Variants in SYTL3 observed in about 807,000 individuals in gnomAD.
SYTL3 encodes synaptotagmin like 3, also known as synaptotagmin-like protein 3.
SYTL3 carries 88 observed loss-of-function variants against 82.1 expected under a neutral mutation model. The ratio of observed to expected loss-of-function variants is 1.07; its 90% CI spans 0.90 to 1.28. The LOEUF is 1.28. Ranked by LOEUF, SYTL3 falls within the 50% of genes most tolerant of loss-of-function variation. The probability of loss-of-function intolerance (pLI) is 0.00; values close to 1 mark genes in which losing one functional copy is unlikely to be tolerated. For missense variants in SYTL3, 831 were observed against 757.6 expected (o/e 1.10, Z -1.14); for synonymous variants, 311 against 289.4 (o/e 1.07, Z -0.76).
chr6:158,671,079 C>T (rs1254042665), intron 5 of SYTL3, among the ~76,000 whole-genome samples: 1 of 152,026 alleles, frequency 6.6e-6, no homozygotes, highest in Non-Finnish European at 1.5e-5. Flanking sequence ...GCTGAGATTA[C>T]AGGCGTGAGC....
intron 6 of SYTL3, among the ~76,000 whole-genome samples, chr6:158,687,210 C>T (rs963502677): frequency 1.3e-5 from 2 of 152,286 alleles, no homozygotes; most frequent in Non-Finnish European, 2.9e-5. Context: ...GTGGAAGGCT[C>T]GCCTGGGGCT....
At chr6:158,707,345 C>T in intron 7 of SYTL3, 64 bp downstream of exon 7, 3 of 1,462,656 alleles carry the variant, frequency 2.1e-6, no homozygotes, top group Middle Eastern at 1.8e-4. Context: ...GGACACTCTG[C>T]AAGAACTTAT....
intron 10 of SYTL3, among the ~76,000 whole-genome samples, chr6:158,720,756 T>C (rs766535795): frequency 6.6e-6 from 1 of 152,186 alleles, no homozygotes; most frequent in African/African-American, 2.4e-5. Flanking sequence ...TTGGTACTGT[T>C]CCTGTCCCTA....
chr6:158,755,643 C>T (rs1788964276), intron 13 of SYTL3, among the ~76,000 whole-genome samples: 1 of 152,238 alleles, frequency 6.6e-6, no homozygotes, highest in Non-Finnish European at 1.5e-5. Flanking sequence ...TACCGTGTCT[C>T]AGTTCCTGTT....
chr6:158,681,165 G>A (rs1778647216), intron 5 of SYTL3, among the ~76,000 whole-genome samples: 1 of 152,154 alleles, frequency 6.6e-6, no homozygotes, highest in Non-Finnish European at 1.5e-5. Context: ...TTATTTTAAG[G>A]ATGTGAAGAT....
At chr6:158,698,402 A>AAT (rs1437190599) in intron 6 of SYTL3, among the ~76,000 whole-genome samples, 1 of 151,654 alleles carries the variant, frequency 6.6e-6, no homozygotes, top group Non-Finnish European at 1.5e-5. Flanking sequence ...GTCTCAAAAA[A>AAT]AAAAAAAAAA....
rs2128369584 is a variant in SYTL3 at position 158,665,456 on chromosome 6, C to T, written c.172C>T (p.His58Tyr). The change falls in exon 5 of 18, where the codon CAC becomes TAC. Residue 58 changes from histidine (H) to tyrosine (Y), a missense_variant. By Grantham distance (83) the His-to-Tyr change is moderately conservative. Coordinates refer to ENST00000611299, the MANE Select transcript of SYTL3 (RefSeq NM_001242394.2). ...WKGAKNTDWE[H>Y]KEKCCARCQQ... ...AGGAGCGAAGAACACGGACTGGGAG[C>T]ACAAAGAGAAGTGCTGTGCGCGCTG... 6.2e-7 allele frequency: 1 copy of T among 1,609,154 alleles called. No individual in the cohort carries two copies. Among genetic ancestry groups the T allele is most frequent in the Non-Finnish European group, 8.5e-7 (1 of 1,177,894 alleles).
rs1788055047 is a variant in SYTL3, at chr6:158,651,845, A to G, written c.-637+3A>G. 6.6e-6 allele frequency: 1 copy of G among 151,954 alleles called. No individual in the cohort carries two copies. Among genetic ancestry groups the G allele is most frequent in the Admixed American group, 6.5e-5 (1 of 15,270 alleles). The allele number at this position is 151,954 out of a possible 1,614,324, so 9.4% of individuals were successfully genotyped here. On this transcript the variant is annotated splice_donor_region_variant and intron_variant, in intron 2 of 17. Coordinates refer to ENST00000611299, the MANE Select transcript of SYTL3 (RefSeq NM_001242394.2). The stretch of plus-strand genomic sequence containing the variant: ...TGTTCAACTTTGTCCTCTCTCAGGT[A>G]GGCTTCAAGTTTTATAGATTCAAGC...
chr6:158,665,709 C>T, intron 5 of SYTL3, 96 bp downstream of exon 5: 1 of 885,190 alleles, frequency 1.1e-6, no homozygotes, highest in Non-Finnish European at 1.7e-6. Context: ...CACTCCTCAC[C>T]TTCAGCCAGT....
intron 5 of SYTL3, among the ~76,000 whole-genome samples, chr6:158,671,039 A>G (rs1354603648): frequency 6.6e-6 from 1 of 151,730 alleles, no homozygotes; most frequent in Non-Finnish European, 1.5e-5. Context: ...CTCCTGATCT[A>G]GTGTTCCGCC....
At chr6:158,708,212 AAAAG>A (rs1782330891) in intron 7 of SYTL3, 106 bp from the exon 8 acceptor site, 2 of 1,036,152 alleles carry the variant, frequency 1.9e-6, no homozygotes, top group Admixed American at 1.8e-5. Flanking sequence ...CAGTTTAAAA[AAAAG>A]GCGGAGAACT....
intron 13 of SYTL3, among the ~76,000 whole-genome samples, chr6:158,752,620 C>CTGCA (rs1482320357): frequency 4.6e-5 from 7 of 152,194 alleles, no homozygotes; most frequent in Admixed American, 3.9e-4. Flanking sequence ...GGGTGGAAGG[C>CTGCA]TGCAGCTGAG....
At chr6:158,694,833 C>T (rs558131799) in intron 6 of SYTL3, among the ~76,000 whole-genome samples, 6 of 152,202 alleles carry the variant, frequency 3.9e-5, no homozygotes, top group African/African-American at 1.2e-4. Context: ...GAGCCCTGTC[C>T]GTCACTCCAT....
At chr6:158,693,668 C>G (rs2128425435) in intron 6 of SYTL3, among the ~76,000 whole-genome samples, 2 of 142,702 alleles carry the variant, frequency 1.4e-5, no homozygotes, top group Admixed American at 1.3e-4. Context: ...TACAGGTGTG[C>G]CACTGAATCC....
intron 13 of SYTL3, among the ~76,000 whole-genome samples, chr6:158,756,578 G>A (rs1008877597): frequency 3.9e-5 from 6 of 152,004 alleles, no homozygotes; most frequent in African/African-American, 1.5e-4. Context: ...CGGGCGTGGT[G>A]TTGGGCGTCT....
intron 12 of SYTL3, among the ~76,000 whole-genome samples, chr6:158,750,893 A>T (rs1291157739): frequency 5.3e-5 from 8 of 152,046 alleles, no homozygotes; most frequent in Non-Finnish European, 8.8e-5. Flanking sequence ...TCTCCCAGGT[A>T]CAAGCGATTC....
chr6:158,713,046 C>T (rs1486542746), intron 8 of SYTL3, among the ~76,000 whole-genome samples: 2 of 152,190 alleles, frequency 1.3e-5, no homozygotes, highest in Non-Finnish European at 2.9e-5. Context: ...AGGCGTGAGC[C>T]ACCGCGCCTG....
chr6:158,745,137 C>T (rs992503145), intron 11 of SYTL3, among the ~76,000 whole-genome samples: 4 of 151,854 alleles, frequency 2.6e-5, no homozygotes, highest in Non-Finnish European at 5.9e-5. Context: ...GCTGTCCTGC[C>T]ATGGATATTA....
At chr6:158,738,697 G>A (rs1786519380) in intron 11 of SYTL3, among the ~76,000 whole-genome samples, 1 of 152,162 alleles carries the variant, frequency 6.6e-6, no homozygotes, top group Non-Finnish European at 1.5e-5. Flanking sequence ...TCGCTCAGCT[G>A]CCCAGGCTGG....
Sources: allele counts gnomAD v4.1 joint callset (sites outside exome capture counted in the v4.1 genomes callset), GRCh38; gene constraint gnomAD v4.1.1; transcripts MANE v1.5; gene names NCBI Gene and HGNC (gene_info 2026-07-23, HGNC 2026-07-21).